ERC2: variants seen among roughly 807,000 people sequenced by gnomAD.
ERC2 encodes the protein ERC protein 2.
ERC2 carries 42 observed loss-of-function variants against 114.8 expected under a neutral mutation model. That is an observed-to-expected ratio of 0.37 (90% CI 0.29 to 0.47). The LOEUF is 0.47. Among genes scored for constraint, ERC2 ranks in the 20% least tolerant of loss-of-function variants. ERC2 has a pLI of 0.99. For synonymous variants in ERC2, 454 were observed against 425.5 expected, an observed-to-expected ratio of 1.07 and a Z score of -0.82; for missense variants, 939 against 1,150.7, an observed-to-expected ratio of 0.82 and a Z score of 2.66.
intron 14 of ERC2, among the ~76,000 whole-genome samples, chr3:55,830,271 T>C (rs1318548393): frequency 6.6e-6 from 1 of 152,100 alleles, no homozygotes; most frequent in East Asian, 1.9e-4. Flanking sequence ...TGAAACATGA[T>C]AAAGGCAAAT....
At chr3:55,680,821 G>C (rs892417228) in intron 17 of ERC2, among the ~76,000 whole-genome samples, 1 of 152,188 alleles carries the variant, frequency 6.6e-6, no homozygotes, top group African/African-American at 2.4e-5. Flanking sequence ...CCAACAGGGA[G>C]GGGGAGTATA....
intron 14 of ERC2, among the ~76,000 whole-genome samples, chr3:55,808,335 G>T (rs2059569967): frequency 6.6e-6 from 1 of 152,128 alleles, no homozygotes; most frequent in African/African-American, 2.4e-5. Context: ...TTTTTGTTGG[G>T]AAAGTAGGAA....
At chr3:55,853,560 A>C (rs2149246894) in intron 14 of ERC2, among the ~76,000 whole-genome samples, 1 of 152,284 alleles carries the variant, frequency 6.6e-6, no homozygotes, top group African/African-American at 2.4e-5. Flanking sequence ...AAGCACTAGC[A>C]CTCAGGAAAT....
At chr3:56,360,325 T>G (rs912719497) in intron 2 of ERC2, among the ~76,000 whole-genome samples, 2 of 151,858 alleles carry the variant, frequency 1.3e-5, no homozygotes, top group African/African-American at 4.8e-5. Flanking sequence ...TGAGCCACCA[T>G]GCCCGGCCAA....
chr3:56,039,814 T>C (rs1227742795), intron 7 of ERC2, among the ~76,000 whole-genome samples: 1 of 152,168 alleles, frequency 6.6e-6, no homozygotes, highest in African/African-American at 2.4e-5. Context: ...TCAATGGAAC[T>C]GAATAGAAAT....
chr3:55,638,988 A>T (rs751836415), intron 17 of ERC2, among the ~76,000 whole-genome samples: 2 of 152,210 alleles, frequency 1.3e-5, no homozygotes, highest in Non-Finnish European at 2.9e-5. Context: ...ACTACCTATG[A>T]CATCTCCCTT....
intron 14 of ERC2, among the ~76,000 whole-genome samples, chr3:55,886,764 A>G (rs1411864784): frequency 6.6e-6 from 1 of 152,256 alleles, no homozygotes; most frequent in Non-Finnish European, 1.5e-5. Flanking sequence ...ATTGGCAAAC[A>G]TCAAGATTTT....
intron 17 of ERC2, among the ~76,000 whole-genome samples, chr3:55,603,556 C>T (rs998105215): frequency 1.1e-4 from 17 of 151,568 alleles, no homozygotes; most frequent in African/African-American, 4.1e-4. Context: ...TGCGTGAACC[C>T]CATCTTACTG....
chr3:55,820,877 G>A (rs553906690), intron 14 of ERC2, among the ~76,000 whole-genome samples: 13 of 152,310 alleles, frequency 8.5e-5, no homozygotes, highest in African/African-American at 2.9e-4. Context: ...AAGCTACTGC[G>A]CTGGCATAAG....
At chr3:55,831,142 C>CAAA (rs576800724) in intron 14 of ERC2, among the ~76,000 whole-genome samples, 2 of 105,876 alleles carry the variant, frequency 1.9e-5, no homozygotes, top group Admixed American at 9.8e-5. Context: ...CCCCTCTCTA[C>CAAA]AAAAAAAAAA....
intron 14 of ERC2, among the ~76,000 whole-genome samples, chr3:55,749,966 G>A (rs770867170): frequency 1.3e-5 from 2 of 152,200 alleles, no homozygotes; most frequent in Non-Finnish European, 2.9e-5. Flanking sequence ...ATTGAAGAGG[G>A]GCATAATGAA....
intron 12 of ERC2, among the ~76,000 whole-genome samples, chr3:55,961,588 G>T (rs890322516): frequency 6.6e-6 from 1 of 152,056 alleles, no homozygotes; most frequent in Non-Finnish European, 1.5e-5. Flanking sequence ...CTAGTCCATT[G>T]CCACCAACAG....
chr3:55,750,784 G>C (rs17842429), intron 14 of ERC2, among the ~76,000 whole-genome samples: 2 of 152,204 alleles, frequency 1.3e-5, no homozygotes, highest in South Asian at 4.1e-4. Flanking sequence ...AAGTGCCAAC[G>C]GAAAGACTGG....
intron 17 of ERC2, among the ~76,000 whole-genome samples, chr3:55,540,200 T>C (rs1470929326): frequency 6.6e-6 from 1 of 152,230 alleles, no homozygotes; most frequent in Non-Finnish European, 1.5e-5. Flanking sequence ...GACTAGATGC[T>C]CTTTAAGATC....
intron 13 of ERC2, among the ~76,000 whole-genome samples, chr3:55,894,363 G>A (rs2149331555): frequency 6.6e-6 from 1 of 152,156 alleles, no homozygotes; most frequent in Non-Finnish European, 1.5e-5. Context: ...TTAGGTTATG[G>A]TAATTTTTAC....
rs899172101 is a variant in ERC2, at chr3:55,510,971, A to G, written c.*345T>C. 1 of 152,310 alleles carries G rather than the reference A, an allele frequency of 6.6e-6. No homozygotes were observed. Among genetic ancestry groups the G allele is most frequent in the Non-Finnish European group, 1.5e-5 (1 of 68,048 alleles). 9.4% of individuals were successfully genotyped at this position (152,310 alleles called of 1,614,324 possible). A position where few individuals can be genotyped will look rare whatever the true frequency, so the allele number is the denominator to read the frequency against. On this transcript the variant is annotated 3_prime_UTR_variant, in exon 18 of 18. Transcript: ENST00000288221. Reference sequence around the variant, plus strand: ...AACATAAACAAAATGTTATCAAATAATGACATTCAGCAAAGATGATCACAT... The same window carrying G: ...AACATAAACAAAATGTTATCAAATAGTGACATTCAGCAAAGATGATCACAT...
intron 3 of ERC2, among the ~76,000 whole-genome samples, chr3:56,199,666 C>T (rs1301484976): frequency 6.6e-6 from 1 of 152,072 alleles, no homozygotes; most frequent in Non-Finnish European, 1.5e-5. Flanking sequence ...TACCACCACA[C>T]CTGGCTAATT....
intron 12 of ERC2, among the ~76,000 whole-genome samples, chr3:55,959,115 A>G (rs530651052): frequency 7.9e-5 from 12 of 152,230 alleles, no homozygotes; most frequent in Non-Finnish European, 1.3e-4. Flanking sequence ...CTTCTAGAGC[A>G]CTTATCTACT....
chr3:55,692,646 T>C (rs530045832), intron 16 of ERC2, among the ~76,000 whole-genome samples: 148 of 152,124 alleles, frequency 9.7e-4, no homozygotes, highest in Non-Finnish European at 1.8e-3. Flanking sequence ...CTTTTGCCTG[T>C]AGAAAGAGGG....
Sources: allele counts gnomAD v4.1 joint callset (sites outside exome capture counted in the v4.1 genomes callset), GRCh38; gene constraint gnomAD v4.1.1; transcripts MANE v1.5; gene names NCBI Gene and HGNC (gene_info 2026-07-23, HGNC 2026-07-21).